The following LIPA variants were observed in gnomAD, a reference collection of about 807,000 sequenced individuals.
The protein encoded by LIPA is lipase A, lysosomal acid type.
In LIPA, 26 loss-of-function variants were observed where a neutral mutation model predicts 40.6. That is an observed-to-expected ratio of 0.64 (90% CI 0.47 to 0.89). The LOEUF is 0.89. Ranked by LOEUF, LIPA falls within the 40% of genes least tolerant of loss-of-function variation. LIPA has a pLI of 0.00. For synonymous variants in LIPA, 188 were observed against 168.4 expected, an observed-to-expected ratio of 1.12 and a Z score of -0.90; for missense variants, 455 against 479.6, an observed-to-expected ratio of 0.95 and a Z score of 0.48.
intron 2 of LIPA, among the ~76,000 whole-genome samples, chr10:89,353,828 C>T (rs1405533917): frequency 6.6e-6 from 1 of 152,048 alleles, no homozygotes; most frequent in African/African-American, 2.4e-5. Context: ...GTAGTCCCAG[C>T]TGCTGGGGAG....
At chr10:89,362,934 A>C (rs962819863) in intron 2 of LIPA, 19 of 269,854 alleles carry the variant, frequency 7.0e-5, no homozygotes, top group African/African-American at 3.1e-4. Flanking sequence ...ATGGGCTGTC[A>C]GTCTAAATCC....
At chr10:89,371,135 C>A (rs1210054940) in intron 2 of LIPA, among the ~76,000 whole-genome samples, 1 of 152,262 alleles carries the variant, frequency 6.6e-6, no homozygotes, top group East Asian at 1.9e-4. Context: ...CAAGTAGGCA[C>A]TGGCCAGATC....
chr10:89,317,434 T>C (rs1843547265), intron 1 of LIPA, among the ~76,000 whole-genome samples: 1 of 152,152 alleles, frequency 6.6e-6, no homozygotes, highest in African/African-American at 2.4e-5. Context: ...CAACCTTCAG[T>C]AGCCAATTCA....
rs535863808 is a variant in LIPA at position 89,273,037 on chromosome 10, G to T, written c.-1-25388C>A. ...AAAAGTTTCTCCCATTCTGTAGGTT[G>T]TCTGGTCACTCTGAAGATAGGTAAA... On this transcript the variant is annotated intron_variant, in intron 1 of 5. Transcript: ENST00000282673. Among the ~76,000 whole-genome samples the T allele has an allele frequency of 4.6e-5, 7 of 152,204 alleles. No individual in the cohort carries two copies. The East Asian group carries it at 1.4e-3, about 29-fold the overall frequency.
intron 1 of LIPA, among the ~76,000 whole-genome samples, chr10:89,295,261 C>T (rs1449865074): frequency 6.6e-6 from 1 of 152,088 alleles, no homozygotes; most frequent in Non-Finnish European, 1.5e-5. Flanking sequence ...ACTGGGCTAC[C>T]TAAGTATTCC....
At chr10:89,302,918 A>G (rs537706629) in intron 1 of LIPA, among the ~76,000 whole-genome samples, 6 of 151,600 alleles carry the variant, frequency 4.0e-5, no homozygotes, top group Non-Finnish European at 8.8e-5. Flanking sequence ...CTTACTTCCT[A>G]TGAGACACCT....
At chr10:89,225,651 A>G (rs1215807375) in intron 5 of LIPA, among the ~76,000 whole-genome samples, 1 of 152,186 alleles carries the variant, frequency 6.6e-6, no homozygotes, top group African/African-American at 2.4e-5. Flanking sequence ...TTTCAAAGGA[A>G]CTCACACATT....
chr10:89,350,155 G>C (rs12266581), intron 2 of LIPA, among the ~76,000 whole-genome samples: 10,490 of 152,122 alleles, frequency 0.069, 912 homozygotes, highest in African/African-American at 0.2. Flanking sequence ...CAATAAGTCT[G>C]AAGTTCTAGC....
intron 2 of LIPA, among the ~76,000 whole-genome samples, chr10:89,369,023 C>G (rs1309823785): frequency 9.2e-5 from 14 of 152,084 alleles, no homozygotes; most frequent in Admixed American, 9.2e-4. Flanking sequence ...AGGTGTCTAC[C>G]ACAGGGATTG....
At chr10:89,365,029 A>G (rs990587942) in intron 2 of LIPA, among the ~76,000 whole-genome samples, 2 of 152,230 alleles carry the variant, frequency 1.3e-5, no homozygotes, top group Non-Finnish European at 2.9e-5. Flanking sequence ...CATGAATTGC[A>G]CAGAATTGGA....
chr10:89,384,575 C>A, intron 2 of LIPA: 1 of 1,614,094 alleles, frequency 6.2e-7, no homozygotes, highest in Non-Finnish European at 8.5e-7. Context: ...CTTCTCAATG[C>A]TTTAGAGAAA....
At chr10:89,400,388 T>C (rs934111332) in intron 2 of LIPA, among the ~76,000 whole-genome samples, 2 of 152,236 alleles carry the variant, frequency 1.3e-5, no homozygotes, top group African/African-American at 2.4e-5. Flanking sequence ...CTTAATATTA[T>C]GTCTTCTAAT....
intron 2 of LIPA, among the ~76,000 whole-genome samples, chr10:89,368,636 T>C (rs1274912818): frequency 6.6e-6 from 1 of 152,204 alleles, no homozygotes; most frequent in Non-Finnish European, 1.5e-5. Context: ...GAGCTCTCAA[T>C]GTATGTAAGA....
intron 2 of LIPA, among the ~76,000 whole-genome samples, chr10:89,349,512 G>T (rs1843945107): frequency 6.6e-6 from 1 of 152,176 alleles, no homozygotes; most frequent in South Asian, 2.1e-4. Flanking sequence ...GGGAAAATGT[G>T]TCCTCCCCCT....
intron 2 of LIPA, among the ~76,000 whole-genome samples, chr10:89,406,832 A>G (rs893520191): frequency 6.6e-6 from 1 of 152,204 alleles, no homozygotes; most frequent in Admixed American, 6.5e-5. Flanking sequence ...AACCAATTCC[A>G]GACAAATTTT....
chr10:89,410,299 C>T (rs1319457861), intron 2 of LIPA, among the ~76,000 whole-genome samples: 1 of 152,210 alleles, frequency 6.6e-6, no homozygotes, highest in Non-Finnish European at 1.5e-5. Flanking sequence ...AGGTGCTACT[C>T]CTTGAGGGAC....
At chr10:89,228,787 AG>A (rs1842803745) in intron 3 of LIPA, among the ~76,000 whole-genome samples, 1 of 152,260 alleles carries the variant, frequency 6.6e-6, no homozygotes, top group South Asian at 2.1e-4. Context: ...GGAAAGAAAA[AG>A]ATCACACATA....
At chr10:89,250,103 C>CTTTTTTTT (rs1564767193) in intron 1 of LIPA, among the ~76,000 whole-genome samples, 1 of 94,056 alleles carries the variant, frequency 1.1e-5, no homozygotes, top group Non-Finnish European at 2.0e-5. Flanking sequence ...CTTTTCTTTT[C>CTTTTTTTT]TTTCTTTTTT....
chr10:89,402,755 C>T (rs1240450052), intron 2 of LIPA: 2 of 1,614,056 alleles, frequency 1.2e-6, no homozygotes, highest in South Asian at 1.1e-5. Context: ...ATGAACGGGC[C>T]AAGGCCTGCT....
Sources: allele counts gnomAD v4.1 joint callset (sites outside exome capture counted in the v4.1 genomes callset), GRCh38; gene constraint gnomAD v4.1.1; transcripts MANE v1.5; gene names NCBI Gene and HGNC (gene_info 2026-07-23, HGNC 2026-07-21).